Variants in GMPR2 observed in about 807,000 individuals in gnomAD.
GMPR2 encodes the protein guanosine monophosphate reductase 2.
A neutral mutation model predicts 38.5 loss-of-function variants in GMPR2; 32 were observed. That is an observed-to-expected ratio of 0.83 (90% CI 0.63 to 1.12). The LOEUF (loss-of-function observed/expected upper bound fraction) is 1.12, where lower values mean the gene tolerates loss of function less well. Ranked by LOEUF, GMPR2 falls within the 50% of genes most tolerant of loss-of-function variation. The probability of loss-of-function intolerance (pLI) is 0.00; values close to 1 mark genes in which losing one functional copy is unlikely to be tolerated. For synonymous variants in GMPR2, 154 were observed against 151.0 expected (o/e 1.02, Z -0.15); for missense variants, 396 against 432.1 (o/e 0.92, Z 0.74).
At chr14:24,234,145 G>T (rs184558652) in intron 3 of GMPR2, 14 of 1,289,106 alleles carry the variant, frequency 1.1e-5, no homozygotes, top group Non-Finnish European at 1.3e-5. Context: ...TGCCCCAAAT[G>T]GGATGTGTTT....
At chr14:24,236,203 A>C (rs1200199293) in intron 5 of GMPR2, 63 bp downstream of exon 5, 2 of 1,206,210 alleles carry the variant, frequency 1.7e-6, no homozygotes, top group Non-Finnish European at 2.4e-6. Flanking sequence ...CCGTTTTGCT[A>C]CATCAGTCCA....
intron 8 of GMPR2, chr14:24,237,974 G>C: frequency 2.1e-6 from 1 of 476,940 alleles, no homozygotes. Flanking sequence ...ATGACCAGAC[G>C]ATGATGGTAA....
At chr14:24,237,739 TC>T in intron 8 of GMPR2, 177 bp downstream of exon 8, 3 of 641,272 alleles carry the variant, frequency 4.7e-6, no homozygotes, top group Non-Finnish European at 5.5e-6. Context: ...CATCTGAGAC[TC>T]CAAGTGTGGG....
rs974245746 is a variant in GMPR2 at position 24,236,080 on chromosome 14, T to C, written c.405T>C (p.Ser135=). ...GCCTGGATGTGGCAAATGGCTACTC[T>C]GAACACTTTGTTGAATTTGTAAAAG... The part of the protein sequence containing the change: ...YICLDVANGY[S]EHFVEFVKDV... The change falls in exon 5 of 10, where the codon TCT becomes TCC. Residue 135 remains serine (S), a synonymous_variant. Coordinates refer to ENST00000399440, the MANE Select transcript of GMPR2 (RefSeq NM_001002002.3). 2 of 1,613,980 alleles carry C rather than the reference T, an allele frequency of 1.2e-6. No homozygotes were observed. Among genetic ancestry groups the C allele is most frequent in the Admixed American group, 1.7e-5 (1 of 60,002 alleles).
In GMPR2 at chr14:24,239,237, T is replaced by C. The variant is rs1316566478; in HGVS notation, c.*459T>C. On this transcript the variant is annotated 3_prime_UTR_variant, in exon 10 of 10. Coordinates refer to ENST00000399440, the MANE Select transcript of GMPR2 (RefSeq NM_001002002.3). ...CTCAATAAAGAGAGAGCTCATTGACTGTAAAGAGATGCTGGGGCTTTCTGT... is the reference window on the plus strand; with the variant it reads ...CTCAATAAAGAGAGAGCTCATTGACCGTAAAGAGATGCTGGGGCTTTCTGT... 2.8e-6 allele frequency: 1 copy of C among 361,536 alleles called. No individual in the cohort carries two copies. Among genetic ancestry groups the C allele is most frequent in the Non-Finnish European group, 5.4e-6 (1 of 186,326 alleles). 22.4% of individuals were successfully genotyped at this position (361,536 alleles called of 1,614,324 possible).
intron 5 of GMPR2, among the ~76,000 whole-genome samples, chr14:24,236,574 A>G (rs2040354478): frequency 6.6e-6 from 1 of 152,190 alleles, no homozygotes; most frequent in Non-Finnish European, 1.5e-5. Flanking sequence ...CAACTGGTCA[A>G]ATGGGTCTTT....
chr14:24,236,057 C>T lies in GMPR2; in HGVS notation c.382C>T (p.Leu128=). Residue 128 remains leucine, a synonymous_variant, in exon 5 of 10, where the codon CTG becomes TTG. Transcript: ENST00000399440. ...TATTCCCCAGGTGAAGTATATATGCCTGGATGTGGCAAATGGCTACTCTGA... is the reference window on the plus strand; with the variant it reads ...TATTCCCCAGGTGAAGTATATATGCTTGGATGTGGCAAATGGCTACTCTGA... ...EAIPQVKYIC[L]DVANGYSEHF... The T allele has an allele frequency of 1.2e-6, 2 of 1,613,758 alleles. No homozygotes were observed. The highest frequency in any genetic ancestry group is 1.7e-4 in the Middle Eastern group (1 of 6,060).
At chr14:24,233,998 T>C in intron 3 of GMPR2, 1 of 856,916 alleles carries the variant, frequency 1.2e-6, no homozygotes, top group South Asian at 1.5e-5. Context: ...TCAAAAATCC[T>C]AACTAGAAGA....
chr14:24,235,505 C>T, intron 3 of GMPR2: 2 of 543,514 alleles, frequency 3.7e-6, no homozygotes, highest in Non-Finnish European at 6.5e-6. Context: ...CAACCCAGAT[C>T]ACTCAGTACT....
chr14:24,237,231 CA>C lies in GMPR2; in HGVS notation c.548-13del. The C allele has an allele frequency of 6.3e-7, 1 of 1,582,552 alleles. No homozygotes were observed. Among genetic ancestry groups the C allele is most frequent in the Non-Finnish European group, 8.7e-7 (1 of 1,151,166 alleles). ...TGGAGCACGTCATTCTTACCCTTAT[CA>C]TGTTCTTCCTAGGCTCTGTGTGTAC... On this transcript the variant is annotated splice_polypyrimidine_tract_variant and intron_variant, in intron 6 of 9. Coordinates refer to ENST00000399440, the MANE Select transcript of GMPR2 (RefSeq NM_001002002.3).
Position 24,233,352 on chromosome 14 carries a change from T to C in GMPR2, c.87+12T>C. On this transcript the variant is annotated intron_variant, in intron 2 of 9. Coordinates refer to ENST00000399440, the MANE Select transcript of GMPR2 (RefSeq NM_001002002.3). ...AGTCTCGAAGTGAGGTGAGCAAGCTTCTCTACTTGCTGTTTCTTGACCCCA... is the reference window on the plus strand; with the variant it reads ...AGTCTCGAAGTGAGGTGAGCAAGCTCCTCTACTTGCTGTTTCTTGACCCCA... 6.2e-7 allele frequency: 1 copy of C among 1,613,396 alleles called. No homozygotes were observed. The highest frequency in any genetic ancestry group is 8.5e-7 in the Non-Finnish European group (1 of 1,179,460).
rs775653362 is a variant in GMPR2 at position 24,238,675 on chromosome 14, C to T, written c.944C>T (p.Thr315Met). The T allele has an allele frequency of 1.8e-5, 29 of 1,613,682 alleles. No homozygotes were observed. Among genetic ancestry groups the T allele is most frequent in the African/African-American group, 4.0e-5 (3 of 74,872 alleles). ...IRDILGGIRS[T>M]CTYVGAAKLK... ...GACATCCTAGGAGGGATCCGCTCTA[C>T]GTGTACCTATGTGGGAGCAGCTAAG... The change falls in exon 10 of 10, where the codon ACG becomes ATG. Residue 315 changes from threonine (T) to methionine (M), a missense_variant. Physicochemically the swap from Thr to Met is moderately conservative, Grantham distance 81 (BLOSUM62 -1). Coordinates refer to ENST00000399440, the MANE Select transcript of GMPR2 (RefSeq NM_001002002.3).
Position 24,236,001 on chromosome 14 carries a change from A to G in GMPR2, c.326A>G (p.Asp109Gly), listed in dbSNP as rs1401750881. 1.2e-6 allele frequency: 2 copies of G among 1,613,952 alleles called. No homozygotes were observed. Among genetic ancestry groups the G allele is most frequent in the Admixed American group, 1.7e-5 (1 of 59,996 alleles). ...LAASSGTGSS[D>G]FEQLEQILEA... Reference sequence around the variant, plus strand: ...GCCAGCTCAGGCACAGGCTCTTCTGACTTTGAGCAGCTGGAACAGATCCTG... The same window carrying G: ...GCCAGCTCAGGCACAGGCTCTTCTGGCTTTGAGCAGCTGGAACAGATCCTG... The change falls in exon 5 of 10, where the codon GAC (aspartate) becomes GGC (glycine). Residue 109 changes from aspartate to glycine, a missense_variant. Coordinates refer to ENST00000399440, the MANE Select transcript of GMPR2 (RefSeq NM_001002002.3).
rs915560545 is a variant in GMPR2 at position 24,238,421 on chromosome 14, C to A, written c.857+16C>A. On this transcript the variant is annotated intron_variant, in intron 9 of 9. Transcript: ENST00000399440. ...CTGAGTACAGGTATGTGTGGAGGCC[C>A]AGGAGCTTAGTAATAGTATGGAGGC... 6.2e-7 allele frequency: 1 copy of A among 1,613,788 alleles called. No individual in the cohort carries two copies. Among genetic ancestry groups the A allele is most frequent in the African/African-American group, 1.3e-5 (1 of 74,816 alleles).
chr14:24,233,432 C>G (rs904979715), intron 2 of GMPR2, 47 bp from the exon 3 acceptor site: 2 of 1,608,308 alleles, frequency 1.2e-6, no homozygotes, highest in Admixed American at 1.7e-5. Context: ...TAATATGGTA[C>G]GTTTTTTGGA....
chr14:24,237,628 G>C (rs1037648255), intron 8 of GMPR2, 66 bp downstream of exon 8: 3 of 1,399,234 alleles, frequency 2.1e-6, no homozygotes, highest in Non-Finnish European at 3.0e-6. Flanking sequence ...TGAGGGTCTA[G>C]GGTCAGGCTA....
At chr14:24,237,709 C>T (rs1324426960) in intron 8 of GMPR2, 147 bp downstream of exon 8, 1 of 735,784 alleles carries the variant, frequency 1.4e-6, no homozygotes, top group African/African-American at 1.7e-5. Context: ...ATGGTATCAT[C>T]TGGGGCAGCC....
At chr14:24,232,805 G>C, upstream of GMPR2, 1 of 241,432 alleles carries the variant, frequency 4.1e-6, no homozygotes, top group Non-Finnish European at 8.3e-6. Context: ...TGCTAAGCAA[G>C]GTGGTCTTTG....
chr14:24,236,047 G>A lies in GMPR2; in HGVS notation c.372G>A (p.Lys124=), dbSNP rs2040326961. 6.2e-7 allele frequency: 1 copy of A among 1,613,280 alleles called. No individual in the cohort carries two copies. The highest frequency in any genetic ancestry group is 2.2e-5 in the East Asian group (1 of 44,890). The change falls in exon 5 of 10, where the codon AAG becomes AAA. Residue 124 remains lysine (K), a synonymous_variant. Coordinates refer to ENST00000399440, the MANE Select transcript of GMPR2 (RefSeq NM_001002002.3). ...TCCTGGAAGCTATTCCCCAGGTGAA[G>A]TATATATGCCTGGATGTGGCAAATG... ...EQILEAIPQV[K]YICLDVANGY...
Sources: gnomAD v4.1 joint callset for allele counts (sites outside exome capture counted in the v4.1 genomes callset) on GRCh38, gnomAD v4.1.1 for gene constraint, MANE v1.5 for transcripts, NCBI Gene and HGNC (gene_info 2026-07-23, HGNC 2026-07-21) for gene names.